Variants in PSMB2 observed in about 807,000 individuals in gnomAD.
PSMB2 encodes proteasome 20S subunit beta 2.
PSMB2 carries 13 observed loss-of-function variants against 25.7 expected under a neutral mutation model. The ratio of observed to expected loss-of-function variants is 0.51; its 90% CI spans 0.33 to 0.80. PSMB2 has a LOEUF of 0.80. Among genes scored for constraint, PSMB2 ranks in the 30% least tolerant of loss-of-function variants. The pLI is 0.02. For missense variants in PSMB2, 202 were observed against 259.0 expected, an observed-to-expected ratio of 0.78 and a Z score of 1.51; for synonymous variants, 87 against 96.2, an observed-to-expected ratio of 0.90 and a Z score of 0.56.
intron 2 of PSMB2, chr1:35,631,575 A>G: frequency 1.7e-6 from 2 of 1,170,416 alleles, no homozygotes; most frequent in Non-Finnish European, 2.2e-6. Flanking sequence ...CCAGTTCTAT[A>G]GTGGAATGAA....
chr1:35,615,777 G>C (rs1372407306), intron 3 of PSMB2, among the ~76,000 whole-genome samples: 1 of 152,220 alleles, frequency 6.6e-6, no homozygotes, highest in East Asian at 1.9e-4. Context: ...AGGTGCTTTG[G>C]AGAATGGTGC....
chr1:35,626,576 T>C (rs571244853), intron 3 of PSMB2, among the ~76,000 whole-genome samples: 1 of 152,364 alleles, frequency 6.6e-6, no homozygotes, highest in East Asian at 1.9e-4. Context: ...AATACACTTG[T>C]ACATTAGTCC....
At position 35,600,933 on chromosome 1, in the gene PSMB2, C is replaced by T; in HGVS notation, c.*2334G>A. 1 of 984,812 alleles carries T rather than the reference C, an allele frequency of 1.0e-6. No individual in the cohort carries two copies. The highest frequency in any genetic ancestry group is 1.2e-6 in the Non-Finnish European group (1 of 829,460). 61.0% of individuals were successfully genotyped at this position (984,812 alleles called of 1,614,324 possible). ...TACCTATATTACTTCATGGAATTCT[C>T]ATATCTACCACATAGAATAGGTGCT... On this transcript the variant is annotated 3_prime_UTR_variant, in exon 6 of 6. Transcript: ENST00000373237.
chr1:35,626,800 A>G (rs1289361142), intron 3 of PSMB2, among the ~76,000 whole-genome samples: 1 of 152,246 alleles, frequency 6.6e-6, no homozygotes. Flanking sequence ...ACTGTCCAAG[A>G]GAACTTCTAT....
At chr1:35,606,726 ACT>A (rs377013843) in intron 4 of PSMB2, among the ~76,000 whole-genome samples, 3 of 152,352 alleles carry the variant, frequency 2.0e-5, no homozygotes, top group African/African-American at 7.2e-5. Flanking sequence ...ACCACAAAAG[ACT>A]CTGAATAGCT....
At chr1:35,637,309 A>G (rs1651273171) in intron 1 of PSMB2, among the ~76,000 whole-genome samples, 1 of 152,252 alleles carries the variant, frequency 6.6e-6, no homozygotes. Context: ...AAAGAAAAAG[A>G]GAAAATTAAA....
intron 2 of PSMB2, among the ~76,000 whole-genome samples, chr1:35,632,847 T>C (rs1170055381): frequency 2.0e-5 from 3 of 152,034 alleles, no homozygotes; most frequent in East Asian, 1.9e-4. Flanking sequence ...TGAGCCATGA[T>C]TGTGCCACTG....
intron 3 of PSMB2, among the ~76,000 whole-genome samples, chr1:35,628,596 A>AAAAAAAAAATATAT (rs59538661): frequency 4.0e-5 from 1 of 25,108 alleles, no homozygotes; most frequent in Non-Finnish European, 7.6e-5. Flanking sequence ...AAAAAAAAAA[A>AAAAAAAAAATATAT]ATATATATAT....
chr1:35,617,113 A>G (rs1039269830), intron 3 of PSMB2, among the ~76,000 whole-genome samples: 3 of 152,102 alleles, frequency 2.0e-5, no homozygotes, highest in Non-Finnish European at 2.9e-5. Context: ...CAGTGGCATG[A>G]TCTCGGCTCA....
chr1:35,608,598 A>G (rs1650240344), intron 4 of PSMB2, among the ~76,000 whole-genome samples: 1 of 152,244 alleles, frequency 6.6e-6, no homozygotes, highest in South Asian at 2.1e-4. Context: ...GAATATATGT[A>G]CAATTATTAT....
intron 3 of PSMB2, among the ~76,000 whole-genome samples, chr1:35,628,590 AAAAAAAATATATATATATATAT>A (rs1251033064): frequency 6.0e-5 from 1 of 16,574 alleles, no homozygotes; most frequent in Non-Finnish European, 1.0e-4. Context: ...AAAAAAAAAA[AAAAAAAATATATATATATATAT>A]ATATATATAT....
At chr1:35,637,363 G>A (rs1247969174) in intron 1 of PSMB2, among the ~76,000 whole-genome samples, 1 of 152,118 alleles carries the variant, frequency 6.6e-6, no homozygotes, top group Admixed American at 6.5e-5. Flanking sequence ...TTGACAGTAA[G>A]CTATTTAAAA....
At chr1:35,604,645 G>A (rs1054671556) in intron 5 of PSMB2, among the ~76,000 whole-genome samples, 2 of 152,316 alleles carry the variant, frequency 1.3e-5, no homozygotes, top group African/African-American at 4.8e-5. Context: ...GCCGGGCATG[G>A]TGGTGGGCAA....
chr1:35,613,686 TAAGTA>T (rs1650403337), intron 3 of PSMB2, among the ~76,000 whole-genome samples: 2 of 152,204 alleles, frequency 1.3e-5, no homozygotes, highest in Admixed American at 1.3e-4. Flanking sequence ...CACAGGGTGC[TAAGTA>T]AAGAAAAGCT....
intron 3 of PSMB2, among the ~76,000 whole-genome samples, chr1:35,624,411 TATCA>T (rs1340163850): frequency 6.6e-6 from 1 of 152,190 alleles, no homozygotes; most frequent in Non-Finnish European, 1.5e-5. Context: ...AATTCCTATC[TATCA>T]AATAGATAAA....
At chr1:35,631,469 G>A (rs2148576635) in intron 2 of PSMB2, 125 bp from the exon 3 acceptor site, 1 of 1,512,206 alleles carries the variant, frequency 6.6e-7, no homozygotes, top group African/African-American at 1.4e-5. Flanking sequence ...ACAAAGCATA[G>A]ACTGAGGGGT....
At chr1:35,607,269 C>T (rs142161727) in intron 4 of PSMB2, among the ~76,000 whole-genome samples, 43 of 152,250 alleles carry the variant, frequency 2.8e-4, no homozygotes, top group African/African-American at 1.0e-3. Context: ...GGAGAAAATA[C>T]ATGCAAACTA....
intron 3 of PSMB2, among the ~76,000 whole-genome samples, chr1:35,619,934 T>C (rs963485183): frequency 6.6e-6 from 1 of 152,232 alleles, no homozygotes; most frequent in Non-Finnish European, 1.5e-5. Flanking sequence ...ACCAACACCA[T>C]GTTTGCAACA....
chr1:35,605,951 G>C (rs1650155305), intron 4 of PSMB2, among the ~76,000 whole-genome samples: 1 of 152,196 alleles, frequency 6.6e-6, no homozygotes, highest in South Asian at 2.1e-4. Flanking sequence ...ATGTGGCCTG[G>C]AGCTCTAGCG....
Sources: allele counts gnomAD v4.1 joint callset (sites outside exome capture counted in the v4.1 genomes callset), GRCh38; gene constraint gnomAD v4.1.1; transcripts MANE v1.5; gene names NCBI Gene and HGNC (gene_info 2026-07-23, HGNC 2026-07-21).